Variants in CNRIP1 observed in about 807,000 individuals in gnomAD.
CNRIP1 encodes the protein cannabinoid receptor interacting protein 1.
Under a neutral mutation model 15.2 loss-of-function variants are expected in CNRIP1, and 10 were observed. The ratio of observed to expected loss-of-function variants is 0.66; its 90% CI spans 0.41 to 1.12. The LOEUF (loss-of-function observed/expected upper bound fraction) is 1.12. CNRIP1 is among the 50% of genes most tolerant of loss of function. CNRIP1 has a pLI of 0.00. For missense variants in CNRIP1, 211 were observed against 214.7 expected (o/e 0.98, Z 0.11); for synonymous variants, 91 against 83.2 (o/e 1.09, Z -0.51).
chr2:68,313,977 T>C (rs1210576289), intron 2 of CNRIP1, among the ~76,000 whole-genome samples: 1 of 152,140 alleles, frequency 6.6e-6, no homozygotes, highest in Non-Finnish European at 1.5e-5. Flanking sequence ...CTCTTGACTT[T>C]TACAACTACT....
rs547924871 is a variant in CNRIP1, at chr2:68,293,226, A to G, written c.*636T>C. The G allele has an allele frequency of 1.2e-5, 12 of 985,450 alleles. No homozygotes were observed. Among genetic ancestry groups the G allele is most frequent in the Non-Finnish European group, 1.4e-5 (12 of 830,012 alleles). 61.0% of individuals were successfully genotyped at this position (985,450 alleles called of 1,614,324 possible). A position where few individuals can be genotyped will look rare whatever the true frequency, so the allele number is the denominator to read the frequency against. On this transcript the variant is annotated 3_prime_UTR_variant, in exon 3 of 3. Coordinates refer to ENST00000263655, the MANE Select transcript of CNRIP1 (RefSeq NM_015463.3). Reference sequence around the variant, plus strand: ...CATTTCTACTAGGCTAGGCCATTGCACAATACCTTAAGCTACTTAAAAGAG... The same window carrying G: ...CATTTCTACTAGGCTAGGCCATTGCGCAATACCTTAAGCTACTTAAAAGAG...
At chr2:68,306,652 G>A (rs1328600587) in intron 2 of CNRIP1, among the ~76,000 whole-genome samples, 1 of 152,002 alleles carries the variant, frequency 6.6e-6, no homozygotes, top group Non-Finnish European at 1.5e-5. Context: ...GTGGTGGCGG[G>A]TGCCTGTAAT....
At chr2:68,303,961 C>T (rs1312305660) in intron 2 of CNRIP1, among the ~76,000 whole-genome samples, 1 of 152,044 alleles carries the variant, frequency 6.6e-6, no homozygotes, top group African/African-American at 2.4e-5. Context: ...GCCTGTAATT[C>T]CAGCTACTTG....
At chr2:68,313,234 A>G (rs1672154054) in intron 2 of CNRIP1, among the ~76,000 whole-genome samples, 1 of 152,176 alleles carries the variant, frequency 6.6e-6, no homozygotes, top group African/African-American at 2.4e-5. Flanking sequence ...ATTCTCATAC[A>G]CTGCTGGTGG....
At chr2:68,296,731 G>T (rs556098271) in intron 2 of CNRIP1, among the ~76,000 whole-genome samples, 1 of 152,074 alleles carries the variant, frequency 6.6e-6, no homozygotes, top group African/African-American at 2.4e-5. Flanking sequence ...TCTGCTGCCC[G>T]GGTTCAAGCA....
At chr2:68,306,457 G>A (rs1467598159) in intron 2 of CNRIP1, among the ~76,000 whole-genome samples, 1 of 151,972 alleles carries the variant, frequency 6.6e-6, no homozygotes, top group Non-Finnish European at 1.5e-5. Flanking sequence ...TAATCTCTAA[G>A]GCCACTTTTA....
Position 68,317,202 on chromosome 2 carries a change from G to A in CNRIP1, c.285C>T (p.Thr95=). The change falls in exon 2 of 3, where the codon ACC becomes ACT. Residue 95 remains threonine (T), a synonymous_variant. Transcript: ENST00000263655. The part of the protein sequence containing the change: ...YTGTYDTEGV[T]PTKSGERQPI... ...GTTGCCGTTCTCCACTCTTCGTTGGGGTCACACCTTCTGTGTCATATGTAC... is the reference window on the plus strand; with the variant it reads ...GTTGCCGTTCTCCACTCTTCGTTGGAGTCACACCTTCTGTGTCATATGTAC... The A allele has an allele frequency of 6.2e-7, 1 of 1,614,164 alleles. No homozygotes were observed. The highest frequency in any genetic ancestry group is 8.5e-7 in the Non-Finnish European group (1 of 1,180,044).
Position 68,296,912 on chromosome 2 carries a change from G to A in CNRIP1, c.331-2886C>T, listed in dbSNP as rs563012884. On this transcript the variant is annotated intron_variant, in intron 2 of 2. Coordinates refer to ENST00000263655, the MANE Select transcript of CNRIP1 (RefSeq NM_015463.3). Reference sequence around the variant, plus strand: ...CCTCGGCCTCCCAAAGTGCTGGCGTGAGCCACCACACCCGGCCCAACTTCT... The same window carrying A: ...CCTCGGCCTCCCAAAGTGCTGGCGTAAGCCACCACACCCGGCCCAACTTCT... 9.2e-4 allele frequency among the ~76,000 whole-genome samples: 140 copies of A among 151,998 alleles called. 1 individual carries two copies. Among genetic ancestry groups the A allele is most frequent in the African/African-American group, 3.1e-3 (129 of 41,464 alleles).
At position 68,319,278 on chromosome 2, in the gene CNRIP1, G is replaced by T; in HGVS notation, c.123C>A (p.Leu41=). The change falls in exon 1 of 3, where the codon CTC becomes CTA. Residue 41 remains leucine (L), a synonymous_variant. Transcript: ENST00000263655. ...CCTCAACCTTGTAGGAGGAGCCGGT[G>T]AGCAGCTTGATGGTGCGGTTCTGGC... The part of the protein sequence containing the change: ...RFGQNRTIKL[L]TGSSYKVEVK... The T allele has an allele frequency of 6.4e-7, 1 of 1,551,298 alleles. No homozygotes were observed. Among genetic ancestry groups the T allele is most frequent in the Non-Finnish European group, 8.7e-7 (1 of 1,147,384 alleles).
chr2:68,291,597 T>C (rs1158208208), downstream of CNRIP1, among the ~76,000 whole-genome samples: 1 of 151,644 alleles, frequency 6.6e-6, no homozygotes, highest in Non-Finnish European at 1.5e-5. Context: ...AAAAAAAGTA[T>C]GGGCCCAGCG....
chr2:68,298,972 T>C (rs149351640), intron 2 of CNRIP1, among the ~76,000 whole-genome samples: 2 of 152,330 alleles, frequency 1.3e-5, no homozygotes, highest in African/African-American at 2.4e-5. Context: ...TGCACAGGTA[T>C]AATTCTGTAT....
intron 2 of CNRIP1, among the ~76,000 whole-genome samples, chr2:68,308,850 G>A (rs1573030390): frequency 6.6e-6 from 1 of 151,854 alleles, no homozygotes; most frequent in Admixed American, 6.6e-5. Flanking sequence ...CAAGAGAGAT[G>A]CCTGCCTCTC....
At chr2:68,284,244 T>A (rs368707020) in exon 3 of CNRIP1, 5 of 430,992 alleles carry the variant, frequency 1.2e-5, no homozygotes, top group African/African-American at 6.1e-5. Flanking sequence ...TTGGATTTAC[T>A]CTCAGAGAGT....
At chr2:68,289,281 C>G (rs1417921159), downstream of CNRIP1, among the ~76,000 whole-genome samples, 1 of 152,044 alleles carries the variant, frequency 6.6e-6, no homozygotes, top group Non-Finnish European at 1.5e-5. Flanking sequence ...TCTAGCATAT[C>G]TTAAAATATG....
Position 68,316,969 on chromosome 2 carries a change from T to A in CNRIP1, c.330+188A>T, listed in dbSNP as rs1672293930. 3.4e-5 allele frequency: 24 copies of A among 716,094 alleles called. No individual in the cohort carries two copies. In the South Asian group the frequency reaches 3.9e-4, roughly 12 times the overall value. The allele number at this position is 716,094 out of a possible 1,614,324, so 44.4% of individuals were successfully genotyped here. Reference sequence around the variant, plus strand: ...CTTTTCAGCATCTACAGGGTCAGTCTGTCATGCAAAAGAGCATTAATTAAG... The same window carrying A: ...CTTTTCAGCATCTACAGGGTCAGTCAGTCATGCAAAAGAGCATTAATTAAG... On this transcript the variant is annotated intron_variant, in intron 2 of 2. Transcript: ENST00000263655.
intron 2 of CNRIP1, among the ~76,000 whole-genome samples, chr2:68,286,925 A>C (rs927476645): frequency 2.6e-5 from 4 of 152,242 alleles, no homozygotes; most frequent in African/African-American, 9.6e-5. Context: ...AAATTAAATG[A>C]GATCATATAT....
chr2:68,303,897 T>C (rs999635467), intron 2 of CNRIP1, among the ~76,000 whole-genome samples: 2 of 151,982 alleles, frequency 1.3e-5, no homozygotes, highest in Non-Finnish European at 2.9e-5. Flanking sequence ...GCAAACATGG[T>C]GAAACCCTGT....
intron 2 of CNRIP1, among the ~76,000 whole-genome samples, chr2:68,298,981 A>G (rs769517783): frequency 1.3e-5 from 2 of 152,176 alleles, no homozygotes; most frequent in Non-Finnish European, 1.5e-5. Context: ...ATAATTCTGT[A>G]TATTTGTATA....
At chr2:68,303,967 A>G (rs1214805359) in intron 2 of CNRIP1, among the ~76,000 whole-genome samples, 2 of 152,134 alleles carry the variant, frequency 1.3e-5, no homozygotes, top group African/African-American at 4.8e-5. Flanking sequence ...AATTCCAGCT[A>G]CTTGGAGGCT....
Sources: gnomAD v4.1 joint callset for allele counts (sites outside exome capture counted in the v4.1 genomes callset) on GRCh38, gnomAD v4.1.1 for gene constraint, MANE v1.5 for transcripts, NCBI Gene and HGNC (gene_info 2026-07-23, HGNC 2026-07-21) for gene names.